Variants in ELMO1 observed in about 807,000 individuals in gnomAD.
ELMO1 encodes the protein engulfment and cell motility 1.
ELMO1 carries 26 observed loss-of-function variants against 98.9 expected under a neutral mutation model. The observed-to-expected ratio is 0.26, with a 90% confidence interval of 0.19 to 0.36. The LOEUF (loss-of-function observed/expected upper bound fraction) is 0.36. Among genes scored for constraint, ELMO1 ranks in the 10% least tolerant of loss-of-function variants. ELMO1 has a pLI of 1.00. For synonymous variants in ELMO1, 346 were observed against 346.0 expected (o/e 1.00, Z 0.00); for missense variants, 627 against 935.2 (o/e 0.67, Z 4.30).
intron 7 of ELMO1, among the ~76,000 whole-genome samples, chr7:37,237,983 T>G (rs908494941): frequency 2.0e-5 from 3 of 152,226 alleles, no homozygotes; most frequent in Non-Finnish European, 4.4e-5. Context: ...ACGAAACTCT[T>G]CAACTTTATT....
At chr7:37,046,433 A>G (rs1157098095) in intron 15 of ELMO1, among the ~76,000 whole-genome samples, 1 of 152,210 alleles carries the variant, frequency 6.6e-6, no homozygotes, top group Non-Finnish European at 1.5e-5. Flanking sequence ...TCTTCCTGTA[A>G]AAGAACGACA....
chr7:37,203,758 T>C (rs948935337), intron 13 of ELMO1, among the ~76,000 whole-genome samples: 12 of 151,832 alleles, frequency 7.9e-5, no homozygotes, highest in African/African-American at 2.9e-4. Flanking sequence ...ATAGGATAGA[T>C]GGGCGAGTCT....
intron 6 of ELMO1, among the ~76,000 whole-genome samples, chr7:37,256,271 T>TA (rs889784698): frequency 8.5e-5 from 13 of 152,054 alleles, no homozygotes; most frequent in Admixed American, 2.6e-4. Flanking sequence ...TTGAAAAAAA[T>TA]AAATGATACC....
rs565828792 is a variant in ELMO1 at position 36,976,982 on chromosome 7, C to A, written c.1437+36317G>T. Among the ~76,000 whole-genome samples, 11 of 152,320 alleles carry A rather than the reference C, an allele frequency of 7.2e-5. No individual in the cohort carries two copies. The South Asian group carries it at 1.0e-3, about 14-fold the overall frequency. On this transcript the variant is annotated intron_variant, in intron 16 of 21. Transcript: ENST00000310758. ...AAACGTGGGCTTGGGAATCAAGACA[C>A]ACTTGGATTTGAACTTCACTCTGCC...
intron 1 of ELMO1, among the ~76,000 whole-genome samples, chr7:37,405,630 C>T (rs563304872): frequency 6.6e-6 from 1 of 152,308 alleles, no homozygotes; most frequent in East Asian, 1.9e-4. Context: ...GTGTGGCATG[C>T]TTCCTGGGAC....
At chr7:37,405,073 T>A (rs1163199651) in intron 1 of ELMO1, among the ~76,000 whole-genome samples, 1 of 152,158 alleles carries the variant, frequency 6.6e-6, no homozygotes, top group Non-Finnish European at 1.5e-5. Context: ...GCAGTGGTAA[T>A]GTGGGCCACC....
chr7:37,312,047 C>T (rs1798914641), intron 4 of ELMO1, among the ~76,000 whole-genome samples: 1 of 152,116 alleles, frequency 6.6e-6, no homozygotes, highest in Admixed American at 6.5e-5. Context: ...CAAATTATGC[C>T]AAGAAATGGC....
Position 37,233,170 on chromosome 7 carries a change from G to A in ELMO1, c.474C>T (p.Thr158=), listed in dbSNP as rs751529146. 9 of 1,613,492 alleles carry A rather than the reference G, an allele frequency of 5.6e-6. No homozygotes were observed. The highest frequency in any genetic ancestry group is 1.3e-5 in the African/African-American group (1 of 74,848). ...KPCFGDMLSF[T]LTAFVELMDH... is the part of the protein sequence containing the mutation. ...CCATCAGCTCAACGAAGGCCGTCAG[G>A]GTGAAGGACAGCATGTCTCCAAAGC... is the stretch of plus-strand genomic sequence containing the variant. Residue 158 remains threonine, a synonymous_variant, in exon 8 of 22, where the codon ACC becomes ACT. Transcript: ENST00000310758.
intron 13 of ELMO1, among the ~76,000 whole-genome samples, chr7:37,160,423 A>G (rs1422106877): frequency 6.6e-6 from 1 of 152,216 alleles, no homozygotes; most frequent in Non-Finnish European, 1.5e-5. Context: ...ACACATTGGT[A>G]TGAAATCCTC....
At chr7:37,160,391 A>G (rs1193438789) in intron 13 of ELMO1, among the ~76,000 whole-genome samples, 1 of 152,226 alleles carries the variant, frequency 6.6e-6, no homozygotes, top group African/African-American at 2.4e-5. Flanking sequence ...ATATATGCAC[A>G]GTCTTTGTAA....
chr7:37,397,004 C>T (rs1803326641), intron 1 of ELMO1, among the ~76,000 whole-genome samples: 1 of 152,132 alleles, frequency 6.6e-6, no homozygotes, highest in African/African-American at 2.4e-5. Flanking sequence ...TACCTGTCTA[C>T]CTGATAGCTG....
chr7:37,281,145 T>C (rs971382655), intron 4 of ELMO1, among the ~76,000 whole-genome samples: 2 of 151,088 alleles, frequency 1.3e-5, no homozygotes, highest in African/African-American at 4.9e-5. Flanking sequence ...AAAACAAACA[T>C]CGTATGTCCT....
intron 2 of ELMO1, among the ~76,000 whole-genome samples, chr7:37,338,318 G>C (rs944925092): frequency 5.3e-5 from 8 of 152,146 alleles, no homozygotes; most frequent in Non-Finnish European, 8.8e-5. Flanking sequence ...AAATTCATCT[G>C]TTTGAAACCT....
At chr7:37,239,204 C>G (rs980401222) in intron 7 of ELMO1, among the ~76,000 whole-genome samples, 2 of 151,982 alleles carry the variant, frequency 1.3e-5, no homozygotes, top group South Asian at 2.1e-4. Flanking sequence ...CTCGCTCTGT[C>G]GCCCAGGCTG....
chr7:37,282,257 C>A (rs1013788355), intron 4 of ELMO1, among the ~76,000 whole-genome samples: 1 of 152,218 alleles, frequency 6.6e-6, no homozygotes, highest in African/African-American at 2.4e-5. Flanking sequence ...GGAGGGCAGG[C>A]AGCTCCAGCA....
chr7:37,256,756 GGAAGGGA>G (rs1193666928), intron 6 of ELMO1, among the ~76,000 whole-genome samples: 1 of 129,296 alleles, frequency 7.7e-6, no homozygotes, highest in African/African-American at 3.2e-5. Context: ...GGAAGGGAAG[GGAAGGGA>G]GAAGGGAGGA....
chr7:37,260,029 C>T (rs1795900557), intron 5 of ELMO1, among the ~76,000 whole-genome samples: 2 of 152,210 alleles, frequency 1.3e-5, no homozygotes, highest in Non-Finnish European at 2.9e-5. Flanking sequence ...CTTCTACATG[C>T]AGGACAGAGA....
chr7:36,865,583 G>A (rs966484517), intron 20 of ELMO1, among the ~76,000 whole-genome samples: 1 of 152,146 alleles, frequency 6.6e-6, no homozygotes, highest in East Asian at 1.9e-4. Context: ...ATGAGCAAAG[G>A]CCCTTGTGCC....
intron 2 of ELMO1, among the ~76,000 whole-genome samples, chr7:37,334,690 C>G (rs1020797803): frequency 1.7e-4 from 26 of 152,230 alleles, no homozygotes; most frequent in African/African-American, 6.0e-4. Flanking sequence ...TACTAACGAG[C>G]AAAATTCCAT....
Sources: gnomAD v4.1 joint callset for allele counts (sites outside exome capture counted in the v4.1 genomes callset) on GRCh38, gnomAD v4.1.1 for gene constraint, MANE v1.5 for transcripts, NCBI Gene and HGNC (gene_info 2026-07-23, HGNC 2026-07-21) for gene names.